The following PTBP2 variants were observed in gnomAD, a reference collection of about 807,000 sequenced individuals.
PTBP2 encodes polypyrimidine tract-binding protein 2.
PTBP2 carries 13 observed loss-of-function variants against 61.4 expected under a neutral mutation model. The observed-to-expected ratio is 0.21, with a 90% CI of 0.14 to 0.34. The LOEUF (loss-of-function observed/expected upper bound fraction) is 0.34, where lower values mean the gene tolerates loss of function less well. Among genes scored for constraint, PTBP2 ranks in the 10% least tolerant of loss-of-function variants. PTBP2 has a pLI of 1.00. For synonymous variants in PTBP2, 215 were observed against 218.5 expected (o/e 0.98, Z 0.14); for missense variants, 405 against 642.6 (o/e 0.63, Z 4.00).
intron 3 of PTBP2, 128 bp from the exon 4 acceptor site, chr1:96,769,575 A>T: frequency 1.7e-6 from 1 of 575,740 alleles, no homozygotes; most frequent in African/African-American, 1.9e-5. Flanking sequence ...ATTTTCAAGA[A>T]TTATTTAAGT....
chr1:96,764,392 CTA>C (rs1013541694), intron 3 of PTBP2, among the ~76,000 whole-genome samples: 4 of 152,192 alleles, frequency 2.6e-5, no homozygotes, highest in African/African-American at 9.6e-5. Flanking sequence ...TTAGCAGTGA[CTA>C]TGAGGCTTGA....
chr1:96,790,406 C>T lies in PTBP2; in HGVS notation c.904+5152C>T, dbSNP rs561888718. Among the ~76,000 whole-genome samples the T allele has an allele frequency of 2.0e-5, 3 of 151,964 alleles. No individual in the cohort carries two copies. In the South Asian group the frequency reaches 6.2e-4, roughly 32 times the overall value. ...GGATTTGGGTGTTGACATTCTGATC[C>T]TTTCGTTACTTTTTTTTCTACTAAT... On this transcript the variant is annotated intron_variant, in intron 8 of 13. Coordinates refer to ENST00000674951, the MANE Select transcript of PTBP2 (RefSeq NM_021190.4).
chr1:96,821,319 C>T (rs1662675743), exon 14 of PTBP2: 1 of 152,000 alleles, frequency 6.6e-6, no homozygotes, highest in South Asian at 2.1e-4. Context: ...TTTATTACCT[C>T]GACTTTCCAT....
chr1:96,796,984 G>GT (rs1660460441), intron 8 of PTBP2, among the ~76,000 whole-genome samples: 1 of 152,208 alleles, frequency 6.6e-6, no homozygotes, highest in South Asian at 2.1e-4. Context: ...CAAAGTAGAT[G>GT]TTTTTAAGAA....
At chr1:96,789,155 A>G (rs930025662) in intron 8 of PTBP2, among the ~76,000 whole-genome samples, 1 of 152,042 alleles carries the variant, frequency 6.6e-6, no homozygotes, top group Admixed American at 6.5e-5. Flanking sequence ...TCTAAAAATT[A>G]GGAGAGAGAC....
At chr1:96,723,655 A>T in intron 2 of PTBP2, 61 bp downstream of exon 2, 1 of 1,454,894 alleles carries the variant, frequency 6.9e-7, no homozygotes, top group Non-Finnish European at 9.4e-7. Context: ...TTACTGGAAA[A>T]TTTTAGCTTT....
At chr1:96,760,778 A>C (rs1024393640) in intron 3 of PTBP2, among the ~76,000 whole-genome samples, 2 of 151,968 alleles carry the variant, frequency 1.3e-5, no homozygotes, top group Non-Finnish European at 2.9e-5. Flanking sequence ...TTAAACATTA[A>C]CCTATTTTAT....
intron 11 of PTBP2, among the ~76,000 whole-genome samples, chr1:96,808,847 C>G (rs1014682671): frequency 6.6e-6 from 1 of 151,888 alleles, no homozygotes; most frequent in Admixed American, 6.6e-5. Context: ...CCACACAAAA[C>G]TCTATGGTGT....
chr1:96,764,386 C>T (rs1427035836), intron 3 of PTBP2, among the ~76,000 whole-genome samples: 1 of 152,176 alleles, frequency 6.6e-6, no homozygotes, highest in African/African-American at 2.4e-5. Flanking sequence ...AACTATTTAG[C>T]AGTGACTATG....
chr1:96,799,352 A>G (rs541309210), intron 8 of PTBP2, among the ~76,000 whole-genome samples: 1 of 131,154 alleles, frequency 7.6e-6, no homozygotes, highest in South Asian at 2.4e-4. Flanking sequence ...CTGGAGTGCA[A>G]TGGTGCGATC....
intron 3 of PTBP2, among the ~76,000 whole-genome samples, chr1:96,758,284 A>G (rs916852860): frequency 6.6e-6 from 1 of 152,070 alleles, no homozygotes; most frequent in African/African-American, 2.4e-5. Flanking sequence ...TAATTAAAAA[A>G]ATCTTTCCAC....
At chr1:96,728,872 A>G (rs570624608) in intron 2 of PTBP2, among the ~76,000 whole-genome samples, 7 of 149,432 alleles carry the variant, frequency 4.7e-5, no homozygotes, top group South Asian at 4.2e-4. Context: ...AGATTTACCC[A>G]TAAGTATTTT....
chr1:96,761,783 G>A (rs1000558699), intron 3 of PTBP2, among the ~76,000 whole-genome samples: 9 of 151,768 alleles, frequency 5.9e-5, no homozygotes, highest in Admixed American at 2.0e-4. Context: ...GGTGTTTCTC[G>A]CAGAGGGGGA....
chr1:96,752,494 TA>T (rs1399709564), intron 3 of PTBP2, among the ~76,000 whole-genome samples: 2 of 152,010 alleles, frequency 1.3e-5, no homozygotes, highest in Non-Finnish European at 2.9e-5. Flanking sequence ...ACTTAACAGA[TA>T]ATAGTCATGA....
chr1:96,756,692 G>A (rs373493983), intron 3 of PTBP2, among the ~76,000 whole-genome samples: 1 of 152,238 alleles, frequency 6.6e-6, no homozygotes, highest in East Asian at 1.9e-4. Flanking sequence ...TGAAAATTCT[G>A]CATACCATAT....
chr1:96,787,834 T>C (rs1303760063), intron 8 of PTBP2, among the ~76,000 whole-genome samples: 2 of 152,162 alleles, frequency 1.3e-5, no homozygotes, highest in Non-Finnish European at 2.9e-5. Context: ...CCTTTGAAAG[T>C]GGACATGTAG....
intron 3 of PTBP2, among the ~76,000 whole-genome samples, chr1:96,765,690 A>G (rs1326019660): frequency 6.8e-6 from 1 of 147,642 alleles, no homozygotes; most frequent in Non-Finnish European, 1.5e-5. Flanking sequence ...CAGCCTGGCA[A>G]TACAGCAAGA....
intron 5 of PTBP2, among the ~76,000 whole-genome samples, chr1:96,773,658 T>G (rs1366719554): frequency 6.6e-6 from 1 of 152,074 alleles, no homozygotes. Context: ...GCTCTTATTC[T>G]GGGTCAACAA....
At chr1:96,803,457 G>A (rs1168486850) in intron 8 of PTBP2, among the ~76,000 whole-genome samples, 1 of 152,008 alleles carries the variant, frequency 6.6e-6, no homozygotes, top group African/African-American at 2.4e-5. Flanking sequence ...AGGCAAAAAG[G>A]TGTGAAAAGA....
Sources: allele counts gnomAD v4.1 joint callset (sites outside exome capture counted in the v4.1 genomes callset), GRCh38; gene constraint gnomAD v4.1.1; transcripts MANE v1.5; gene names NCBI Gene and HGNC (gene_info 2026-07-23, HGNC 2026-07-21).